Variants in TRAPPC9 observed in about 807,000 individuals in gnomAD.
TRAPPC9 encodes the protein trafficking protein particle complex subunit 9, also known as IKK2 binding protein.
Under a neutral mutation model 124.0 loss-of-function variants are expected in TRAPPC9, and 83 were observed. That is an observed-to-expected ratio of 0.67 (90% CI 0.56 to 0.80). TRAPPC9 has a LOEUF of 0.80. Ranked by LOEUF, TRAPPC9 falls within the 30% of genes least tolerant of loss-of-function variation. The pLI is 0.00. For synonymous variants in TRAPPC9, 638 were observed against 617.5 expected, an observed-to-expected ratio of 1.03 and a Z score of -0.49; for missense variants, 1,302 against 1,508.3, an observed-to-expected ratio of 0.86 and a Z score of 2.27.
intron 21 of TRAPPC9, among the ~76,000 whole-genome samples, chr8:139,842,593 T>C (rs1051701872): frequency 7.0e-6 from 1 of 143,826 alleles, no homozygotes; most frequent in Non-Finnish European, 1.5e-5. Context: ...CTCGCCTTCG[T>C]GCCCGGGGCC....
At chr8:140,246,841 C>T (rs2063999830) in intron 16 of TRAPPC9, among the ~76,000 whole-genome samples, 1 of 152,110 alleles carries the variant, frequency 6.6e-6, no homozygotes, top group Non-Finnish European at 1.5e-5. Flanking sequence ...AAAAATTACC[C>T]AGGTGTGGTG....
chr8:139,914,273 T>A (rs1209781725), intron 19 of TRAPPC9, among the ~76,000 whole-genome samples: 1 of 152,088 alleles, frequency 6.6e-6, no homozygotes, highest in Non-Finnish European at 1.5e-5. Flanking sequence ...TGCGGGGTGG[T>A]GGCGCTTGGC....
intron 9 of TRAPPC9, among the ~76,000 whole-genome samples, chr8:140,325,712 ACT>A (rs1260563713): frequency 6.6e-6 from 1 of 152,154 alleles, no homozygotes; most frequent in Non-Finnish European, 1.5e-5. Flanking sequence ...TCTCATACAA[ACT>A]CTTTCAGAAA....
At chr8:139,889,283 G>A (rs1348894389) in intron 20 of TRAPPC9, among the ~76,000 whole-genome samples, 1 of 152,080 alleles carries the variant, frequency 6.6e-6, no homozygotes, top group Non-Finnish European at 1.5e-5. Context: ...GGCGGGGCAG[G>A]GAAATGGAGA....
chr8:140,321,331 C>A lies in TRAPPC9; in HGVS notation c.1496-9957G>T, dbSNP rs1001341224. 2.0e-5 allele frequency among the ~76,000 whole-genome samples: 3 copies of A among 152,362 alleles called. No individual in the cohort carries two copies. In the East Asian group the frequency reaches 5.8e-4, roughly 29 times the overall value. On this transcript the variant is annotated intron_variant, in intron 9 of 22. Transcript: ENST00000438773. ...ACCCGGAGCTCAGCATGAGCTCCCC[C>A]TCGCTTGTTCCCATTCAGCTCCGCA...
At chr8:140,162,702 T>C (rs957601001) in intron 17 of TRAPPC9, among the ~76,000 whole-genome samples, 1 of 152,158 alleles carries the variant, frequency 6.6e-6, no homozygotes, top group Non-Finnish European at 1.5e-5. Context: ...TAAAAATGGT[T>C]ACAGGGGCCG....
chr8:139,826,680 G>C (rs568121468), intron 21 of TRAPPC9, among the ~76,000 whole-genome samples: 1 of 152,196 alleles, frequency 6.6e-6, no homozygotes, highest in South Asian at 2.1e-4. Flanking sequence ...GCTCTGGCTC[G>C]TGTGAAAGGC....
rs556103518 is a variant in TRAPPC9 at position 139,822,738 on chromosome 8, G to A, written c.3055+63141C>T. ...ACGCTGCCTGCCGCTGACACATGGA[G>A]TCTTCAGACACCAGGACCATGGCTG... On this transcript the variant is annotated intron_variant, in intron 21 of 22. Coordinates refer to ENST00000438773, the MANE Select transcript of TRAPPC9 (RefSeq NM_001160372.4). 2.6e-5 allele frequency among the ~76,000 whole-genome samples: 4 copies of A among 152,334 alleles called. No individual in the cohort carries two copies. In the South Asian group the frequency reaches 8.3e-4, roughly 32 times the overall value.
chr8:139,873,789 C>T (rs1054251509), intron 21 of TRAPPC9, among the ~76,000 whole-genome samples: 1 of 152,344 alleles, frequency 6.6e-6, no homozygotes, highest in Non-Finnish European at 1.5e-5. Flanking sequence ...CTGGAGTTTT[C>T]TCCAGAGACC....
At chr8:140,125,782 ACGG>A (rs2061084226) in intron 17 of TRAPPC9, among the ~76,000 whole-genome samples, 1 of 151,530 alleles carries the variant, frequency 6.6e-6, no homozygotes, top group Admixed American at 6.6e-5. Context: ...CTTTAGTGAG[ACGG>A]GTTCATGTCC....
chr8:139,880,634 A>G (rs1006036817), intron 21 of TRAPPC9, among the ~76,000 whole-genome samples: 3 of 152,220 alleles, frequency 2.0e-5, no homozygotes, highest in African/African-American at 7.2e-5. Context: ...TCACGTGCCC[A>G]TGTGATGACT....
chr8:139,745,138 A>C (rs1400305677), intron 21 of TRAPPC9, among the ~76,000 whole-genome samples: 2 of 152,238 alleles, frequency 1.3e-5, no homozygotes, highest in Non-Finnish European at 2.9e-5. Context: ...AAACACCGTC[A>C]CCAACACAAC....
At chr8:139,912,494 G>A (rs1330145724) in intron 19 of TRAPPC9, among the ~76,000 whole-genome samples, 2 of 152,142 alleles carry the variant, frequency 1.3e-5, no homozygotes, top group East Asian at 1.9e-4. Flanking sequence ...CTGCACTTAC[G>A]ACTGACTCTC....
At chr8:139,962,951 G>T (rs1017392464) in intron 19 of TRAPPC9, among the ~76,000 whole-genome samples, 1 of 152,188 alleles carries the variant, frequency 6.6e-6, no homozygotes, top group African/African-American at 2.4e-5. Flanking sequence ...CCTCCAGCAG[G>T]CATACAGCTT....
chr8:140,083,832 A>C (rs1411971689), intron 17 of TRAPPC9, among the ~76,000 whole-genome samples: 2 of 152,014 alleles, frequency 1.3e-5, no homozygotes, highest in South Asian at 2.1e-4. Context: ...ACATCCAGCT[A>C]ATTTTTGTAT....
intron 14 of TRAPPC9, among the ~76,000 whole-genome samples, chr8:140,277,881 G>T (rs2065174166): frequency 6.6e-6 from 1 of 152,230 alleles, no homozygotes; most frequent in South Asian, 2.1e-4. Flanking sequence ...GTAGGAGTAA[G>T]GTCTATGGCG....
chr8:139,797,980 G>A (rs570196229), intron 21 of TRAPPC9, among the ~76,000 whole-genome samples: 50 of 152,258 alleles, frequency 3.3e-4, no homozygotes, highest in Admixed American at 1.0e-3. Context: ...TTGCTATTCT[G>A]AGTTCCTTGA....
chr8:140,367,536 C>G (rs1299150125), intron 8 of TRAPPC9, among the ~76,000 whole-genome samples: 2 of 151,982 alleles, frequency 1.3e-5, no homozygotes, highest in Admixed American at 6.6e-5. Flanking sequence ...ACTATGGAGA[C>G]AGTAAAAGGG....
At chr8:140,163,938 TA>T (rs775190075) in intron 17 of TRAPPC9, among the ~76,000 whole-genome samples, 1 of 152,128 alleles carries the variant, frequency 6.6e-6, no homozygotes, top group Non-Finnish European at 1.5e-5. Flanking sequence ...TTAGAGAAAC[TA>T]AAAATATCTC....
Sources: allele counts gnomAD v4.1 joint callset (sites outside exome capture counted in the v4.1 genomes callset), GRCh38; gene constraint gnomAD v4.1.1; transcripts MANE v1.5; gene names NCBI Gene and HGNC (gene_info 2026-07-23, HGNC 2026-07-21).